Variants in CECR2 observed in about 807,000 individuals in gnomAD.
CECR2 encodes CECR2 histone acetyl-lysine reader, also known as chromatin remodeling regulator CECR2.
In CECR2, 30 loss-of-function variants were observed where a neutral mutation model predicts 154.5. The observed-to-expected ratio is 0.19, with a 90% CI of 0.15 to 0.26. The LOEUF is 0.26. Among genes scored for constraint, CECR2 ranks in the 10% least tolerant of loss-of-function variants. CECR2 has a pLI of 1.00. For synonymous variants in CECR2, 725 were observed against 683.7 expected (o/e 1.06, Z -0.94); for missense variants, 1,743 against 1,829.3 (o/e 0.95, Z 0.86).
intron 16 of CECR2, among the ~76,000 whole-genome samples, chr22:17,547,310 A>G (rs1476420863): frequency 2.0e-5 from 3 of 151,722 alleles, no homozygotes; most frequent in African/African-American, 2.4e-5. Context: ...GCTCACTACA[A>G]TCTCCGCCTC....
chr22:17,549,010 T>A lies in CECR2; in HGVS notation c.3723T>A (p.Asn1241Lys), dbSNP rs764665700. The change falls in exon 17 of 19, where the codon AAT (asparagine) becomes AAA (lysine). Residue 1241 changes from asparagine to lysine, a missense_variant. Coordinates refer to ENST00000262608, the MANE Select transcript of CECR2 (RefSeq NM_001290047.2). The stretch of plus-strand genomic sequence containing the variant: ...CAAGGTCCCTCTTCTCAGATAAGAA[T>A]GCCATGGCCAGTCTGCAAGGCTGTG... ...PPPRSLFSDK[N>K]AMASLQGCET... The A allele has an allele frequency of 2.9e-5, 47 of 1,613,822 alleles. No homozygotes were observed. The highest frequency in any genetic ancestry group is 3.8e-5 in the Non-Finnish European group (45 of 1,179,886).
In CECR2 at chr22:17,456,611, G is replaced by C. The variant is rs183932969; in HGVS notation, c.127-20977G>C. On this transcript the variant is annotated intron_variant, in intron 1 of 18. Transcript: ENST00000262608. ...ATATTGTACATCACAAAGTATAATTGAGAAATTCCTGTTTTCCTCAGAAAA... is the reference window on the plus strand; with the variant it reads ...ATATTGTACATCACAAAGTATAATTCAGAAATTCCTGTTTTCCTCAGAAAA... Among the ~76,000 whole-genome samples the C allele has an allele frequency of 3.4e-3, 525 of 152,240 alleles. 4 individuals carry two copies. Among genetic ancestry groups the C allele is most frequent in the African/African-American group, 0.012 (500 of 41,532 alleles).
chr22:17,541,713 C>T (rs2056525173), intron 14 of CECR2, 126 bp from the exon 15 acceptor site: 3 of 1,203,546 alleles, frequency 2.5e-6, no homozygotes, highest in Non-Finnish European at 3.4e-6. Context: ...GTCTCCCTGT[C>T]TCCAGCCGAG....
In CECR2 at chr22:17,531,679, T is replaced by G. The variant is rs1157701305; in HGVS notation, c.1109-5424T>G. Among the ~76,000 whole-genome samples, 4 of 152,146 alleles carry G rather than the reference T, an allele frequency of 2.6e-5. No individual in the cohort carries two copies. The South Asian group carries it at 8.3e-4, about 32-fold the overall frequency. ...AACAATGATTGAGTAGTTTTTTGGTTTGATGAAAAACCCTGATCCTCAGAT... is the reference window on the plus strand; with the variant it reads ...AACAATGATTGAGTAGTTTTTTGGTGTGATGAAAAACCCTGATCCTCAGAT... On this transcript the variant is annotated intron_variant, in intron 9 of 18. Transcript: ENST00000262608.
intron 9 of CECR2, among the ~76,000 whole-genome samples, chr22:17,531,721 G>C (rs1242901935): frequency 1.3e-5 from 2 of 152,186 alleles, no homozygotes; most frequent in Admixed American, 6.5e-5. Flanking sequence ...AGCAAGAAGA[G>C]ATATAAACTG....
At chr22:17,362,095 T>G (rs1487496390) in intron 1 of CECR2, among the ~76,000 whole-genome samples, 1 of 152,106 alleles carries the variant, frequency 6.6e-6, no homozygotes, top group East Asian at 1.9e-4. Flanking sequence ...CAGGCTGGAG[T>G]GCAGTGGCAC....
intron 1 of CECR2, among the ~76,000 whole-genome samples, chr22:17,454,507 A>G: frequency 6.6e-6 from 1 of 151,556 alleles, no homozygotes; most frequent in Non-Finnish European, 1.5e-5. Context: ...CGGAAAGCTG[A>G]GGCAGGAGAA....
At chr22:17,526,624 G>A (rs191547304) in intron 9 of CECR2, among the ~76,000 whole-genome samples, 2 of 151,828 alleles carry the variant, frequency 1.3e-5, no homozygotes, top group Non-Finnish European at 2.9e-5. Flanking sequence ...GCCTGGCCAA[G>A]GTGTTGAAAC....
Position 17,426,627 on chromosome 22 carries a change from G to A in CECR2, c.127-50961G>A, listed in dbSNP as rs542558105. Among the ~76,000 whole-genome samples the A allele has an allele frequency of 1.7e-3, 254 of 152,372 alleles. 2 individuals are homozygous for A. The highest frequency in any genetic ancestry group is 3.4e-3 in the Middle Eastern group (1 of 294). On this transcript the variant is annotated intron_variant, in intron 1 of 18. Transcript: ENST00000262608. Reference sequence around the variant, plus strand: ...CCGCCTCAGCCTCCCAAAGTGTTGGGATTACAGGCGTGAGCCACTATGCCC... The same window carrying A: ...CCGCCTCAGCCTCCCAAAGTGTTGGAATTACAGGCGTGAGCCACTATGCCC...
At chr22:17,478,089 T>C (rs2055240764) in intron 2 of CECR2, among the ~76,000 whole-genome samples, 2 of 148,046 alleles carry the variant, frequency 1.4e-5, no homozygotes, top group Admixed American at 1.3e-4. Flanking sequence ...ACTGATGTAA[T>C]AAAAAAAAAA....
chr22:17,495,861 C>CAAAAAAAA (rs10558473), intron 2 of CECR2, among the ~76,000 whole-genome samples: 1 of 67,220 alleles, frequency 1.5e-5, no homozygotes, highest in Non-Finnish European at 2.6e-5. Flanking sequence ...GACTCTGTCT[C>CAAAAAAAA]AAAAAAAAAA....
rs60474818 is a variant in CECR2, at chr22:17,428,798, T to TTGTG, written c.127-48764_127-48761dup. ...CAGATGAGAAAAATAATGTTTTTAT[T>TTGTG]TGTGTGTGTGTGTGTGTGTGTGTGT... On this transcript the variant is annotated intron_variant, in intron 1 of 18. Transcript: ENST00000262608. Among the ~76,000 whole-genome samples, 181 of 136,424 alleles carry TTGTG rather than the reference T, an allele frequency of 1.3e-3. 1 individual carries two copies. Among genetic ancestry groups the TTGTG allele is most frequent in the Middle Eastern group, 3.6e-3 (1 of 274 alleles). The allele number at this position is 136,424 out of a possible 152,430, so 89.5% of individuals were successfully genotyped here. A position where few individuals can be genotyped will look rare whatever the true frequency, so the allele number is the denominator to read the frequency against.
At chr22:17,551,107 C>T (rs551301442) in intron 17 of CECR2, among the ~76,000 whole-genome samples, 2 of 152,098 alleles carry the variant, frequency 1.3e-5, no homozygotes, top group African/African-American at 2.4e-5. Context: ...GTTTTCTTTG[C>T]TTTGCTTTTT....
intron 16 of CECR2, among the ~76,000 whole-genome samples, chr22:17,546,566 G>T (rs907588108): frequency 5.9e-5 from 9 of 151,768 alleles, no homozygotes; most frequent in Admixed American, 1.3e-4. Context: ...GAAAAGTACG[G>T]TTTTTCACTT....
chr22:17,421,088 G>T lies in CECR2; in HGVS notation c.126+51179G>T, dbSNP rs191389734. 1.2e-3 allele frequency among the ~76,000 whole-genome samples: 184 copies of T among 152,214 alleles called. 2 individuals are homozygous for T. Among genetic ancestry groups the T allele is most frequent in the African/African-American group, 4.0e-3 (167 of 41,528 alleles). ...TATTTTGAACACACCCATTAGCTAA[G>T]AATTTTTTTTTTAAGTTTTTATTTT... On this transcript the variant is annotated intron_variant, in intron 1 of 18. Coordinates refer to ENST00000262608, the MANE Select transcript of CECR2 (RefSeq NM_001290047.2).
chr22:17,496,940 A>ACT (rs2055640294), intron 2 of CECR2, among the ~76,000 whole-genome samples: 1 of 152,228 alleles, frequency 6.6e-6, no homozygotes, highest in Non-Finnish European at 1.5e-5. Flanking sequence ...CCATGTAAGT[A>ACT]GGCTGAAACT....
chr22:17,387,146 T>C (rs906822259), intron 1 of CECR2, among the ~76,000 whole-genome samples: 1 of 152,214 alleles, frequency 6.6e-6, no homozygotes, highest in African/African-American at 2.4e-5. Context: ...TTCTGTGTTA[T>C]GTTTAATAAC....
At chr22:17,549,877 C>T (rs959907481) in intron 17 of CECR2, among the ~76,000 whole-genome samples, 43 of 149,222 alleles carry the variant, frequency 2.9e-4, no homozygotes, top group Admixed American at 2.4e-3. Context: ...CCTCCTGCCT[C>T]AGCCTGTCAA....
intron 8 of CECR2, among the ~76,000 whole-genome samples, chr22:17,523,557 C>A (rs959191602): frequency 2.0e-5 from 3 of 151,740 alleles, no homozygotes; most frequent in African/African-American, 4.8e-5. Flanking sequence ...GAGATCAAGA[C>A]CATCCTGGCT....
Sources: allele counts gnomAD v4.1 joint callset (sites outside exome capture counted in the v4.1 genomes callset), GRCh38; gene constraint gnomAD v4.1.1; transcripts MANE v1.5; gene names NCBI Gene and HGNC (gene_info 2026-07-23, HGNC 2026-07-21).